ANKFN1: variants seen among roughly 807,000 people sequenced by gnomAD.
ANKFN1 encodes ankyrin repeat and fibronectin type-III domain-containing protein 1.
ANKFN1 carries 74 observed loss-of-function variants against 108.7 expected under a neutral mutation model. That is an observed-to-expected ratio of 0.68 (90% CI 0.56 to 0.83). The LOEUF is 0.83. Among genes scored for constraint, ANKFN1 ranks in the 40% least tolerant of loss-of-function variants. ANKFN1 has a pLI of 0.00. For missense variants in ANKFN1, 1,505 were observed against 1,382.3 expected, an observed-to-expected ratio of 1.09 and a Z score of -1.41; for synonymous variants, 547 against 516.2, an observed-to-expected ratio of 1.06 and a Z score of -0.81.
At chr17:56,165,387 T>G in intron 1 of ANKFN1, among the ~76,000 whole-genome samples, 1 of 152,204 alleles carries the variant, frequency 6.6e-6, no homozygotes, top group East Asian at 1.9e-4. Flanking sequence ...CCACTCACTA[T>G]TCTAAGCAGG....
chr17:56,322,245 T>G (rs1447428271), intron 3 of ANKFN1, among the ~76,000 whole-genome samples: 1 of 152,154 alleles, frequency 6.6e-6, no homozygotes, highest in Non-Finnish European at 1.5e-5. Context: ...AAACTTTAAG[T>G]CACCTTCAAC....
At chr17:56,428,458 T>C (rs1374864591) in intron 8 of ANKFN1, among the ~76,000 whole-genome samples, 1 of 150,930 alleles carries the variant, frequency 6.6e-6, no homozygotes, top group Admixed American at 6.6e-5. Context: ...TTGGAGCTTT[T>C]TTTCTTTTTT....
Position 56,353,976 on chromosome 17 carries a change from T to G in ANKFN1, c.531T>G (p.Ile177Met). Residue 177 changes from isoleucine to methionine, a missense_variant, in exon 6 of 21, where the codon ATT becomes ATG. By Grantham distance (10) the Ile-to-Met change is conservative. Coordinates refer to ENST00000682825, the MANE Select transcript of ANKFN1 (RefSeq NM_001370326.1). The part of the protein sequence containing the change: ...PNSEGLTPLD[I>M]AIMTNNVPIA... ...GCGAGGGCTTGACACCCCTGGATATTGCCATCATGACCAACAATGTGCCCA... is the reference window on the plus strand; with the variant it reads ...GCGAGGGCTTGACACCCCTGGATATGGCCATCATGACCAACAATGTGCCCA... 6.2e-7 allele frequency: 1 copy of G among 1,613,972 alleles called. No homozygotes were observed.
chr17:56,430,775 C>G (rs567823544), intron 8 of ANKFN1, among the ~76,000 whole-genome samples: 4 of 152,204 alleles, frequency 2.6e-5, no homozygotes, highest in Non-Finnish European at 5.9e-5. Flanking sequence ...GACATAGTCA[C>G]TGTCCTCATG....
At chr17:56,510,419 A>G in intron 20 of ANKFN1, 54 bp from the exon 21 acceptor site, 1 of 1,439,554 alleles carries the variant, frequency 6.9e-7, no homozygotes, top group Non-Finnish European at 9.3e-7. Flanking sequence ...ATGCCTGTGA[A>G]GCAGGCTCTA....
intron 3 of ANKFN1, among the ~76,000 whole-genome samples, chr17:56,268,420 C>T (rs1035738432): frequency 2.6e-5 from 4 of 152,172 alleles, no homozygotes; most frequent in Admixed American, 1.3e-4. Flanking sequence ...CTCTGAGATA[C>T]AGCTAAAGCA....
intron 20 of ANKFN1, among the ~76,000 whole-genome samples, chr17:56,509,708 A>G (rs1029232536): frequency 1.3e-5 from 2 of 152,244 alleles, no homozygotes; most frequent in African/African-American, 2.4e-5. Flanking sequence ...TGCCCTGCCA[A>G]TTAAGAGCAA....
intron 3 of ANKFN1, among the ~76,000 whole-genome samples, chr17:56,248,273 A>G (rs1034181860): frequency 1.3e-5 from 2 of 152,164 alleles, no homozygotes; most frequent in Non-Finnish European, 2.9e-5. Context: ...AGAGTATGAG[A>G]AGCCTTGGTG....
chr17:56,256,315 A>G (rs1048201463), intron 3 of ANKFN1, among the ~76,000 whole-genome samples: 3 of 152,254 alleles, frequency 2.0e-5, no homozygotes, highest in African/African-American at 4.8e-5. Flanking sequence ...TGGAATAAGA[A>G]CAATGTAATA....
intron 6 of ANKFN1, among the ~76,000 whole-genome samples, chr17:56,354,801 C>T (rs1176168964): frequency 6.6e-6 from 1 of 152,160 alleles, no homozygotes; most frequent in Non-Finnish European, 1.5e-5. Flanking sequence ...CTTTGCTTGG[C>T]TTATACAACA....
At chr17:56,381,393 A>G (rs1043616627) in intron 8 of ANKFN1, among the ~76,000 whole-genome samples, 3 of 152,216 alleles carry the variant, frequency 2.0e-5, no homozygotes, top group African/African-American at 7.2e-5. Context: ...TCCTCCTCCA[A>G]AGAACGCAGT....
At chr17:56,117,967 A>G (rs1484250567) in intron 4 of ANKFN1, among the ~76,000 whole-genome samples, 1 of 152,094 alleles carries the variant, frequency 6.6e-6, no homozygotes, top group Non-Finnish European at 1.5e-5. Context: ...CACATTTCTT[A>G]TAATAGAATC....
intron 4 of ANKFN1, among the ~76,000 whole-genome samples, chr17:56,343,350 A>T (rs1285809050): frequency 6.6e-6 from 1 of 151,790 alleles, no homozygotes; most frequent in Admixed American, 6.6e-5. Flanking sequence ...TGTATTTTTG[A>T]AATGTAGTTT....
chr17:56,207,027 G>A (rs1320686190), intron 1 of ANKFN1: 3 of 152,186 alleles, frequency 2.0e-5, no homozygotes, highest in Admixed American at 6.6e-5. Context: ...CCCCAAGAGG[G>A]AGAGGCCCCT....
intron 2 of ANKFN1, among the ~76,000 whole-genome samples, chr17:56,215,015 T>A (rs1462741437): frequency 1.3e-5 from 2 of 152,208 alleles, no homozygotes; most frequent in African/African-American, 2.4e-5. Flanking sequence ...TCCACATAAC[T>A]GGAGGAAATC....
chr17:56,302,732 A>G (rs543898650), intron 3 of ANKFN1, among the ~76,000 whole-genome samples: 1 of 152,346 alleles, frequency 6.6e-6, no homozygotes, highest in African/African-American at 2.4e-5. Flanking sequence ...TATATTTTCT[A>G]CGCATAGGCT....
chr17:56,493,017 A>C (rs536745472), intron 19 of ANKFN1, among the ~76,000 whole-genome samples: 2 of 152,134 alleles, frequency 1.3e-5, no homozygotes, highest in Non-Finnish European at 2.9e-5. Context: ...CAGTTACTCA[A>C]TTCACAAAAT....
chr17:56,510,262 G>C (rs567695161), intron 20 of ANKFN1, among the ~76,000 whole-genome samples: 15 of 152,262 alleles, frequency 9.9e-5, no homozygotes, highest in African/African-American at 2.9e-4. Flanking sequence ...GCTAAGACCA[G>C]AGCCCACTAC....
intron 3 of ANKFN1, among the ~76,000 whole-genome samples, chr17:56,243,054 T>C (rs1037183561): frequency 6.6e-6 from 1 of 152,118 alleles, no homozygotes; most frequent in African/African-American, 2.4e-5. Flanking sequence ...TGCTATACAA[T>C]TTGCAAATGT....
Sources: allele counts gnomAD v4.1 joint callset (sites outside exome capture counted in the v4.1 genomes callset), GRCh38; gene constraint gnomAD v4.1.1; transcripts MANE v1.5; gene names NCBI Gene and HGNC (gene_info 2026-07-23, HGNC 2026-07-21).